TULP4: variants seen among roughly 807,000 people sequenced by gnomAD.
TULP4 encodes tubby-related protein 4.
A neutral mutation model predicts 129.0 loss-of-function variants in TULP4; 16 were observed. The observed-to-expected ratio is 0.12, with a 90% CI of 0.08 to 0.19. The LOEUF is 0.19. TULP4 is among the 10% of genes least tolerant of loss of function. TULP4 has a pLI of 1.00. For missense variants in TULP4, 1,842 were observed against 2,059.1 expected, an observed-to-expected ratio of 0.89 and a Z score of 2.04; for synonymous variants, 998 against 854.0, an observed-to-expected ratio of 1.17 and a Z score of -2.94.
At chr6:158,442,156 G>GT (rs1778911589) in intron 3 of TULP4, among the ~76,000 whole-genome samples, 1 of 152,138 alleles carries the variant, frequency 6.6e-6, no homozygotes, top group South Asian at 2.1e-4. Flanking sequence ...CACAAGTGCT[G>GT]TTGGGTCTGC....
chr6:158,247,734 G>T (rs1778053741), intron 1 of TULP4, among the ~76,000 whole-genome samples: 2 of 152,208 alleles, frequency 1.3e-5, no homozygotes, highest in Non-Finnish European at 1.5e-5. Flanking sequence ...TTAAGAGTGT[G>T]TTTACCTCCA....
At chr6:158,506,198 G>A (rs778248336) in intron 13 of TULP4, among the ~76,000 whole-genome samples, 4 of 149,356 alleles carry the variant, frequency 2.7e-5, no homozygotes, top group African/African-American at 7.4e-5. Flanking sequence ...ATGCAGACCC[G>A]GCTGTCGCCT....
At chr6:158,420,584 C>T (rs1340035817) in intron 2 of TULP4, among the ~76,000 whole-genome samples, 2 of 152,044 alleles carry the variant, frequency 1.3e-5, no homozygotes, top group Admixed American at 6.5e-5. Flanking sequence ...CGGGTTCAAG[C>T]GATTCTCCTG....
At chr6:158,324,268 A>G (rs981178863) in intron 1 of TULP4, among the ~76,000 whole-genome samples, 7 of 152,190 alleles carry the variant, frequency 4.6e-5, no homozygotes, top group Non-Finnish European at 8.8e-5. Flanking sequence ...ATATTCTTAC[A>G]TTCCCTGACT....
In TULP4 at chr6:158,503,504, C is replaced by A. The variant is rs3749852; in HGVS notation, c.3841C>A (p.Pro1281Thr). The A allele has an allele frequency of 6.4e-5, 104 of 1,614,002 alleles. No homozygotes were observed. In the East Asian group the frequency reaches 1.8e-3, roughly 27 times the overall value. ...PMQNPQGTLP[P>T]KPHLVVEKPL... ...GCAGAACCCCCAGGGCACTCTCCCC[C>A]CAAAGCCACACTTGGTGGTGGAGAA... Residue 1281 changes from proline to threonine, a missense_variant, in exon 13 of 14, where the codon CCA (proline) becomes ACA (threonine). Transcript: ENST00000367097. The surrounding 1 kb of genome is among the most constrained non-coding windows in gnomAD (Gnocchi z 4.3).
chr6:158,445,122 A>G (rs1779005025), intron 3 of TULP4, among the ~76,000 whole-genome samples: 2 of 152,134 alleles, frequency 1.3e-5, no homozygotes, highest in South Asian at 2.1e-4. Context: ...CCGTGTTGCT[A>G]TTAGAAACTG....
At chr6:158,288,220 G>C (rs780136518) in intron 1 of TULP4, among the ~76,000 whole-genome samples, 1 of 152,100 alleles carries the variant, frequency 6.6e-6, no homozygotes, top group African/African-American at 2.4e-5. Context: ...TGCATGTCCA[G>C]TTTGTTTGGG....
chr6:158,346,230 C>T (rs957237719), intron 1 of TULP4, among the ~76,000 whole-genome samples: 1 of 152,220 alleles, frequency 6.6e-6, no homozygotes, highest in Non-Finnish European at 1.5e-5. Context: ...AGGTGACGTA[C>T]ATCCTCAGCT....
chr6:158,440,195 A>G (rs1396500459), intron 3 of TULP4, among the ~76,000 whole-genome samples: 2 of 151,448 alleles, frequency 1.3e-5, no homozygotes, highest in Admixed American at 6.6e-5. Context: ...GGGCACACAT[A>G]TAGTCTCAGC....
rs534360336 is a variant in TULP4 at position 158,503,387 on chromosome 6, C to T, written c.3724C>T (p.Pro1242Ser). 1.4e-5 allele frequency: 22 copies of T among 1,613,916 alleles called. No individual in the cohort carries two copies. The Middle Eastern group carries it at 8.2e-4, about 61-fold the overall frequency. The change falls in exon 13 of 14, where the codon CCC (proline) becomes TCC (serine). Residue 1242 changes from proline to serine, a missense_variant. Around this residue, in one of 5 missense-constraint regions of TULP4, gnomAD observed 1,089 missense variants for 987.1 expected, o/e 1.10. Transcript: ENST00000367097. The surrounding 1 kb of genome is among the most constrained non-coding windows in gnomAD (Gnocchi z 4.3). ...CAGCCTCTCCTATTGCACCCTGCCC[C>T]CCATGTACCCAGGAAGCAGCACGTG... ...PPSLSYCTLP[P>S]MYPGSSTCSS...
intron 3 of TULP4, among the ~76,000 whole-genome samples, chr6:158,436,751 G>C (rs537367728): frequency 6.6e-6 from 1 of 152,172 alleles, no homozygotes; most frequent in East Asian, 1.9e-4. Flanking sequence ...GAAAGAATCC[G>C]GGCTGGTAAG....
At chr6:158,384,134 G>A (rs923602349) in intron 1 of TULP4, among the ~76,000 whole-genome samples, 2 of 152,058 alleles carry the variant, frequency 1.3e-5, no homozygotes, top group Non-Finnish European at 2.9e-5. Context: ...TTGTTTCTTT[G>A]CAATATAGCA....
rs148975736 is a variant in TULP4 at position 158,288,833 on chromosome 6, G to A, written n.116+6455G>A. ...TGAATTTTAGGATACTTTTTTGCTT[G>A]TATTGCAATAATCTTTTTCCCTGCT... On this transcript the variant is annotated intron_variant and non_coding_transcript_variant, in intron 1 of 1. Coordinates refer to the TULP4 transcript ENST00000432358. Among the ~76,000 whole-genome samples, 568 of 152,198 alleles carry A rather than the reference G, an allele frequency of 3.7e-3. 4 individuals are homozygous for A. The highest frequency in any genetic ancestry group is 0.013 in the African/African-American group (541 of 41,524).
At chr6:158,409,668 G>C (rs1222870327) in intron 1 of TULP4, among the ~76,000 whole-genome samples, 1 of 152,168 alleles carries the variant, frequency 6.6e-6, no homozygotes, top group Non-Finnish European at 1.5e-5. Flanking sequence ...GTGAATTATA[G>C]ACAGGGGAGG....
At chr6:158,368,825 A>G (rs1245078193) in intron 1 of TULP4, among the ~76,000 whole-genome samples, 3 of 152,210 alleles carry the variant, frequency 2.0e-5, no homozygotes, top group African/African-American at 7.2e-5. Context: ...GTTGTTGCCT[A>G]TGGTGGGACA....
chr6:158,419,329 T>C (rs1778284675), intron 2 of TULP4, among the ~76,000 whole-genome samples: 1 of 152,236 alleles, frequency 6.6e-6, no homozygotes, highest in Non-Finnish European at 1.5e-5. Flanking sequence ...TATCCATTAA[T>C]ACCATAGATT....
At chr6:158,242,649 C>T (rs1416156884) in intron 1 of TULP4, 9 of 680,592 alleles carry the variant, frequency 1.3e-5, no homozygotes, top group East Asian at 1.1e-4. Context: ...TCTGAAACTT[C>T]CTTTCTGGAT....
chr6:158,453,586 C>T (rs556870451), intron 5 of TULP4, among the ~76,000 whole-genome samples: 83 of 149,528 alleles, frequency 5.6e-4, no homozygotes, highest in South Asian at 5.4e-3. Flanking sequence ...GTCAGGAGTT[C>T]AAGATCAGCC....
chr6:158,419,211 A>C (rs1326623869), intron 2 of TULP4, among the ~76,000 whole-genome samples: 1 of 152,224 alleles, frequency 6.6e-6, no homozygotes, highest in Non-Finnish European at 1.5e-5. Context: ...TGATAGAGAC[A>C]TTGCTGATAA....
Sources: gnomAD v4.1 joint callset for allele counts (sites outside exome capture counted in the v4.1 genomes callset) on GRCh38, gnomAD v4.1.1 for gene constraint, gnomAD v4.1.1 regional missense constraint, Gnocchi (gnomAD v3.1) non-coding constraint, MANE v1.5 for transcripts, NCBI Gene and HGNC (gene_info 2026-07-23, HGNC 2026-07-21) for gene names.